The following CPLANE1 variants were observed in gnomAD, a reference collection of about 807,000 sequenced individuals.
CPLANE1 encodes ciliogenesis and planar polarity effector complex subunit 1.
Under a neutral mutation model 362.5 loss-of-function variants are expected in CPLANE1, and 263 were observed. The ratio of observed to expected loss-of-function variants is 0.73; its 90% CI spans 0.66 to 0.80. CPLANE1 has a LOEUF of 0.80. Ranked by LOEUF, CPLANE1 falls within the 30% of genes least tolerant of loss-of-function variation. The pLI is 0.00. For missense variants in CPLANE1, 3,461 were observed against 3,793.4 expected (o/e 0.91, Z 2.30); for synonymous variants, 1,212 against 1,302.6 (o/e 0.93, Z 1.50).
At position 37,107,293 on chromosome 5, in the gene CPLANE1, G is replaced by T; in HGVS notation, c.*309C>A. ...AATAAAGGAGGAGGCAAGATAGAGGGTTTTTATTGAAAGTAGGTTATGCAA... is the reference window on the plus strand; with the variant it reads ...AATAAAGGAGGAGGCAAGATAGAGGTTTTTTATTGAAAGTAGGTTATGCAA... On this transcript the variant is annotated 3_prime_UTR_variant, in exon 53 of 53. Transcript: ENST00000651892. 1 of 1,081,190 alleles carries T rather than the reference G, an allele frequency of 9.2e-7. No homozygotes were observed. Among genetic ancestry groups the T allele is most frequent in the Non-Finnish European group, 1.1e-6 (1 of 893,138 alleles). 67.0% of individuals were successfully genotyped at this position (1,081,190 alleles called of 1,614,324 possible).
chr5:37,231,833 G>T (rs1561683311), intron 8 of CPLANE1, among the ~76,000 whole-genome samples: 1 of 151,338 alleles, frequency 6.6e-6, no homozygotes, highest in Non-Finnish European at 1.5e-5. Flanking sequence ...CTTTTCACAG[G>T]TGTTGATATC....
At chr5:37,240,463 CT>C (rs1338115844) in intron 6 of CPLANE1, among the ~76,000 whole-genome samples, 2 of 152,170 alleles carry the variant, frequency 1.3e-5, no homozygotes, top group Non-Finnish European at 2.9e-5. Flanking sequence ...CTTCAGGAAG[CT>C]TTTAACCACG....
chr5:37,223,030 T>A (rs1426334772), intron 14 of CPLANE1, among the ~76,000 whole-genome samples: 3 of 152,198 alleles, frequency 2.0e-5, no homozygotes, highest in African/African-American at 7.2e-5. Context: ...AAATCTTAAT[T>A]CCTTACCACT....
intron 15 of CPLANE1, among the ~76,000 whole-genome samples, chr5:37,220,250 C>CAAAA (rs113647197): frequency 7.5e-6 from 1 of 134,070 alleles, no homozygotes; most frequent in African/African-American, 2.7e-5. Flanking sequence ...GACCATATCT[C>CAAAA]AAAAAAAAAA....
At chr5:37,087,821 C>T in the CPLANE1 span, among the ~76,000 whole-genome samples, 1 of 152,212 alleles carries the variant, frequency 6.6e-6, no homozygotes, top group African/African-American at 2.4e-5. Flanking sequence ...GAGCCGCTAG[C>T]CCATTTACGA....
At chr5:37,118,520 A>AT (rs763034685) in intron 50 of CPLANE1, among the ~76,000 whole-genome samples, 11 of 152,026 alleles carry the variant, frequency 7.2e-5, no homozygotes, top group Admixed American at 4.6e-4. Flanking sequence ...TGTTGGTTCT[A>AT]TGTGTGTAGG....
rs144970586 is a variant in CPLANE1, at chr5:37,241,141, A to T, written c.678-1272T>A. The stretch of plus-strand genomic sequence containing the variant: ...ACAGAGTGAGACTCTGTCTCAAAAA[A>T]AAAATAAAATAAAAAATAAAATGTA... On this transcript the variant is annotated intron_variant, in intron 6 of 52. Coordinates refer to ENST00000651892, the MANE Select transcript of CPLANE1 (RefSeq NM_001384732.1). 4.3e-4 allele frequency among the ~76,000 whole-genome samples: 65 copies of T among 151,890 alleles called. 1 individual carries two copies. The East Asian group carries it at 0.012, about 27-fold the overall frequency.
At chr5:37,206,537 A>C (rs1248478903) in intron 16 of CPLANE1, 112 bp from the exon 17 acceptor site, 2 of 685,276 alleles carry the variant, frequency 2.9e-6, no homozygotes, top group African/African-American at 1.8e-5. Flanking sequence ...ACCACCAGGA[A>C]GATACATACA....
intron 1 of CPLANE1, among the ~76,000 whole-genome samples, chr5:37,248,930 G>C (rs1740770762): frequency 6.6e-6 from 1 of 152,240 alleles, no homozygotes; most frequent in African/African-American, 2.4e-5. Context: ...GAGAAGCTGG[G>C]GGACTCGGGT....
intron 30 of CPLANE1, among the ~76,000 whole-genome samples, chr5:37,176,729 A>C (rs1580440379): frequency 6.6e-6 from 1 of 151,400 alleles, no homozygotes; most frequent in East Asian, 1.9e-4. Flanking sequence ...AAATTTGCAT[A>C]CTGAACAGAA....
intron 46 of CPLANE1, among the ~76,000 whole-genome samples, chr5:37,138,286 A>G (rs1768428858): frequency 6.6e-6 from 1 of 152,188 alleles, no homozygotes; most frequent in African/African-American, 2.4e-5. Context: ...CTTTATCATT[A>G]TGTCCCTTTC....
At chr5:37,168,255 C>G (rs974549856) in intron 34 of CPLANE1, among the ~76,000 whole-genome samples, 1 of 152,122 alleles carries the variant, frequency 6.6e-6, no homozygotes, top group Non-Finnish European at 1.5e-5. Context: ...TTTAACCTGT[C>G]AAAGATTTGA....
intron 49 of CPLANE1, among the ~76,000 whole-genome samples, chr5:37,120,969 T>C (rs1410633541): frequency 6.6e-6 from 1 of 152,228 alleles, no homozygotes; most frequent in East Asian, 1.9e-4. Context: ...TCAAATGTGT[T>C]GATGCTTAAC....
rs1201581872 is a variant in CPLANE1, at chr5:37,205,422, C to T, written c.3182G>A (p.Arg1061His). Residue 1061 changes from arginine (R) to histidine (H), a missense_variant, in exon 18 of 53, where the codon CGT becomes CAT. By Grantham distance (29) the Arg-to-His change is conservative. Transcript: ENST00000651892. ...CTGAAAAATCTGTGCTGGAGTCATA[C>T]GGAGTGGTAGATTCAGACTCTTTTT... ...SKKKSLNLPL[R>H]MTPAQIFQEK... 35 of 1,547,896 alleles carry T rather than the reference C, an allele frequency of 2.3e-5. No homozygotes were observed. Among genetic ancestry groups the T allele is most frequent in the African/African-American group, 2.7e-5 (2 of 72,886 alleles).
intron 38 of CPLANE1, 42 bp downstream of exon 38, chr5:37,162,423 T>C (rs531636949): frequency 2.4e-6 from 3 of 1,259,440 alleles, no homozygotes; most frequent in African/African-American, 3.0e-5. Flanking sequence ...CTTAATTGTA[T>C]CAAAATATAT....
the CPLANE1 span, chr5:37,085,514 C>T: frequency 3.7e-6 from 3 of 807,164 alleles, no homozygotes; most frequent in South Asian, 2.7e-5. Flanking sequence ...ATCCCCTCAT[C>T]AAGGTAAATG....
chr5:37,135,897 G>A (rs1767566377), intron 46 of CPLANE1, among the ~76,000 whole-genome samples: 1 of 152,000 alleles, frequency 6.6e-6, no homozygotes, highest in Non-Finnish European at 1.5e-5. Context: ...ACGAGAACAG[G>A]ATGGGGCAAA....
intron 46 of CPLANE1, among the ~76,000 whole-genome samples, chr5:37,131,916 C>T (rs979835011): frequency 4.6e-5 from 7 of 152,110 alleles, no homozygotes; most frequent in Non-Finnish European, 1.0e-4. Context: ...ACCTCAGCCT[C>T]GAAAGTGCTG....
At chr5:37,141,249 C>T (rs1399852723) in intron 44 of CPLANE1, 10 of 985,140 alleles carry the variant, frequency 1.0e-5, no homozygotes, top group South Asian at 4.7e-5. Flanking sequence ...CTCCCATGTT[C>T]CCAAGGATAA....
Sources: allele counts gnomAD v4.1 joint callset (sites outside exome capture counted in the v4.1 genomes callset), GRCh38; gene constraint gnomAD v4.1.1; transcripts MANE v1.5; gene names NCBI Gene and HGNC (gene_info 2026-07-23, HGNC 2026-07-21).